TRPM3: variants seen among roughly 807,000 people sequenced by gnomAD.
The protein encoded by TRPM3 is long transient receptor potential channel 3.
A neutral mutation model predicts 181.2 loss-of-function variants in TRPM3; 77 were observed. That is an observed-to-expected ratio of 0.42 (90% CI 0.35 to 0.51). TRPM3 has a LOEUF of 0.51. TRPM3 is among the 20% of genes least tolerant of loss of function. The pLI is 0.01. For missense variants in TRPM3, 1,759 were observed against 2,196.7 expected, an observed-to-expected ratio of 0.80 and a Z score of 3.98; for synonymous variants, 745 against 796.4, an observed-to-expected ratio of 0.94 and a Z score of 1.09.
At chr9:70,780,281 A>G (rs17553491) in intron 7 of TRPM3, among the ~76,000 whole-genome samples, 33,702 of 152,070 alleles carry the variant, frequency 0.22, 4,509 homozygotes, top group Non-Finnish European at 0.3. Context: ...AACATTTTTA[A>G]TCATATTTAA....
intron 1 of TRPM3, among the ~76,000 whole-genome samples, chr9:70,903,874 T>C (rs2096422603): frequency 6.6e-6 from 1 of 152,180 alleles, no homozygotes; most frequent in Admixed American, 6.5e-5. Context: ...CAAAAAAGAA[T>C]GTCTTCTCTG....
chr9:71,166,169 T>G (rs2076530698), intron 1 of TRPM3, among the ~76,000 whole-genome samples: 1 of 152,134 alleles, frequency 6.6e-6, no homozygotes, highest in Non-Finnish European at 1.5e-5. Flanking sequence ...CATGGTCTTC[T>G]GGAAGCACTA....
chr9:70,845,034 A>G (rs796502953), intron 4 of TRPM3, among the ~76,000 whole-genome samples: 5 of 152,308 alleles, frequency 3.3e-5, no homozygotes, highest in African/African-American at 9.6e-5. Flanking sequence ...GGTCATTCTA[A>G]GATCATGTCA....
intron 1 of TRPM3, among the ~76,000 whole-genome samples, chr9:71,357,213 T>C (rs1171771034): frequency 6.6e-6 from 1 of 152,202 alleles, no homozygotes; most frequent in Non-Finnish European, 1.5e-5. Flanking sequence ...CACTGCAAGC[T>C]TTACTTCTTG....
At chr9:70,563,893 C>T (rs1030123365) in intron 22 of TRPM3, among the ~76,000 whole-genome samples, 6 of 152,216 alleles carry the variant, frequency 3.9e-5, no homozygotes, top group Non-Finnish European at 7.3e-5. Context: ...TCGTGCTCTG[C>T]TTCCTGTCTT....
At chr9:71,230,845 A>G (rs780524903) in intron 1 of TRPM3, among the ~76,000 whole-genome samples, 4 of 152,220 alleles carry the variant, frequency 2.6e-5, no homozygotes, top group Non-Finnish European at 5.9e-5. Flanking sequence ...GCTGTTCTGT[A>G]GAGTCCAAGC....
chr9:70,645,932 C>T (rs888450844), intron 9 of TRPM3, among the ~76,000 whole-genome samples: 2 of 152,076 alleles, frequency 1.3e-5, no homozygotes, highest in Non-Finnish European at 2.9e-5. Flanking sequence ...TGAAGAGACA[C>T]TTCTCAGAAG....
chr9:71,063,922 TA>T (rs764266793), intron 1 of TRPM3, among the ~76,000 whole-genome samples: 1 of 151,850 alleles, frequency 6.6e-6, no homozygotes, highest in Non-Finnish European at 1.5e-5. Flanking sequence ...GACCCAGAAC[TA>T]AAGGGCACCA....
chr9:70,598,780 C>T, intron 20 of TRPM3, 110 bp from the exon 21 acceptor site: 1 of 1,293,670 alleles, frequency 7.7e-7, no homozygotes. Flanking sequence ...CTTTGTCTAC[C>T]TATATCTACT....
At chr9:71,261,606 C>A (rs1438295604) in intron 1 of TRPM3, among the ~76,000 whole-genome samples, 1 of 152,318 alleles carries the variant, frequency 6.6e-6, no homozygotes, top group South Asian at 2.1e-4. Context: ...AATGTTCAGC[C>A]TTTTCATGCC....
chr9:70,584,101 G>T (rs187463867), intron 22 of TRPM3, among the ~76,000 whole-genome samples: 103 of 152,024 alleles, frequency 6.8e-4, no homozygotes, highest in Middle Eastern at 3.4e-3. Flanking sequence ...GTGCAGTGGC[G>T]CAATAATGTG....
Position 71,121,296 on chromosome 9 carries a change from A to C in TRPM3, c.59T>G (p.Leu20Trp). 6.2e-7 allele frequency: 1 copy of C among 1,614,092 alleles called. No homozygotes were observed. The highest frequency in any genetic ancestry group is 1.7e-4 in the Middle Eastern group (1 of 6,060). ...CCCTTCCAAATTCCACCAGGAAAAC[A>C]AGAAACTGAAAACCTGAGCAATGCC... ...FLGIAQVFSFLFSWWNLEGVM... is the reference protein window; with the variant it reads ...FLGIAQVFSFWFSWWNLEGVM... Residue 20 changes from leucine to tryptophan, a missense_variant, in exon 1 of 26, where the codon TTG (leucine) becomes TGG (tryptophan). By Grantham distance (61) the Leu-to-Trp change is moderately conservative. Transcript: ENST00000677713.
At chr9:70,977,335 C>T (rs1300836351) in intron 1 of TRPM3, among the ~76,000 whole-genome samples, 4 of 152,154 alleles carry the variant, frequency 2.6e-5, no homozygotes, top group East Asian at 1.9e-4. Flanking sequence ...GGGGTTTCAC[C>T]GTGTTAGCCA....
At chr9:70,977,791 G>GTGT (rs1157644146) in intron 1 of TRPM3, among the ~76,000 whole-genome samples, 1 of 152,184 alleles carries the variant, frequency 6.6e-6, no homozygotes, top group Non-Finnish European at 1.5e-5. Context: ...ACACAACTCA[G>GTGT]GAACAGCCAG....
chr9:71,269,564 G>A (rs2083635907), intron 1 of TRPM3, among the ~76,000 whole-genome samples: 1 of 152,192 alleles, frequency 6.6e-6, no homozygotes, highest in Non-Finnish European at 1.5e-5. Flanking sequence ...AGTGAGCTGG[G>A]AGAGTGGGCT....
chr9:70,988,715 A>G (rs1408871009), intron 1 of TRPM3, among the ~76,000 whole-genome samples: 2 of 152,200 alleles, frequency 1.3e-5, no homozygotes, highest in Non-Finnish European at 2.9e-5. Context: ...CCGTAAAAGT[A>G]GAGTTTTCTC....
chr9:71,216,022 A>G (rs1367699482), intron 1 of TRPM3, among the ~76,000 whole-genome samples: 2 of 152,192 alleles, frequency 1.3e-5, no homozygotes, highest in Non-Finnish European at 2.9e-5. Flanking sequence ...TCCATGAAAA[A>G]AGATTTAGTA....
intron 22 of TRPM3, among the ~76,000 whole-genome samples, chr9:70,578,788 G>A (rs1056356319): frequency 6.6e-6 from 1 of 152,198 alleles, no homozygotes; most frequent in African/African-American, 2.4e-5. Flanking sequence ...TGAATTTTGG[G>A]TTCTGATAGG....
At chr9:70,824,091 C>T (rs1437486128) in intron 6 of TRPM3, among the ~76,000 whole-genome samples, 1 of 152,150 alleles carries the variant, frequency 6.6e-6, no homozygotes, top group Non-Finnish European at 1.5e-5. Flanking sequence ...GAACAGGATT[C>T]ATTTAATGTT....
Sources: allele counts gnomAD v4.1 joint callset (sites outside exome capture counted in the v4.1 genomes callset), GRCh38; gene constraint gnomAD v4.1.1; transcripts MANE v1.5; gene names NCBI Gene and HGNC (gene_info 2026-07-23, HGNC 2026-07-21).